RPS3: variants seen among roughly 807,000 people sequenced by gnomAD.
The protein encoded by RPS3 is small ribosomal subunit protein uS3.
Under a neutral mutation model 25.8 loss-of-function variants are expected in RPS3, and 2 were observed. The ratio of observed to expected loss-of-function variants is 0.08; its 90% CI spans 0.03 to 0.24. RPS3 has a LOEUF of 0.24. RPS3 is among the 10% of genes least tolerant of loss of function. The pLI, the probability that RPS3 is intolerant of heterozygous loss-of-function variation, is 1.00. For synonymous variants in RPS3, 114 were observed against 114.2 expected (o/e 1.00, Z 0.01); for missense variants, 107 against 307.1 (o/e 0.35, Z 4.87).
In RPS3 at chr11:75,405,770, C is replaced by T. The variant is rs1948278506; in HGVS notation, c.*160C>T. Reference sequence around the variant, plus strand: ...GCATTACATATCTTCTTGGTTTTAACCATACTTGTGGTATTTGCAAGGGCC... The same window carrying T: ...GCATTACATATCTTCTTGGTTTTAATCATACTTGTGGTATTTGCAAGGGCC... On this transcript the variant is annotated 3_prime_UTR_variant, in exon 7 of 7. Transcript: ENST00000531188. 2 of 403,666 alleles carry T rather than the reference C, an allele frequency of 5.0e-6. No individual in the cohort carries two copies. Among genetic ancestry groups the T allele is most frequent in the Admixed American group, 3.0e-5 (1 of 33,146 alleles). 25.0% of individuals were successfully genotyped at this position (403,666 alleles called of 1,614,324 possible). A position where few individuals can be genotyped will look rare whatever the true frequency, so the allele number is the denominator to read the frequency against.
At chr11:75,409,692 G>C (rs1948325050), downstream of RPS3, among the ~76,000 whole-genome samples, 1 of 150,362 alleles carries the variant, frequency 6.7e-6, no homozygotes, top group Non-Finnish European at 1.5e-5. Flanking sequence ...TCCCCAATGA[G>C]CCGCTGGGCA....
At chr11:75,399,702 T>C (rs1454621677) in intron 1 of RPS3, 125 bp downstream of exon 1, 1 of 815,242 alleles carries the variant, frequency 1.2e-6, no homozygotes, top group African/African-American at 1.7e-5. Context: ...TTCCTGGCGT[T>C]CCTGCGGGCC....
chr11:75,399,763 G>A, intron 1 of RPS3, 186 bp downstream of exon 1: 1 of 591,934 alleles, frequency 1.7e-6, no homozygotes, highest in Non-Finnish European at 3.0e-6. Context: ...GGCGCTGTGT[G>A]GCCGGGTTCC....
intron 6 of RPS3, among the ~76,000 whole-genome samples, chr11:75,420,149 G>C (rs569720575): frequency 2.6e-5 from 4 of 152,170 alleles, no homozygotes; most frequent in African/African-American, 9.7e-5. Flanking sequence ...CTGCTAAGTG[G>C]TAGCAGGTCC....
chr11:75,415,184 A>C (rs1948386076), intron 6 of RPS3, among the ~76,000 whole-genome samples: 1 of 152,176 alleles, frequency 6.6e-6, no homozygotes, highest in Non-Finnish European at 1.5e-5. Flanking sequence ...ATGCGGGGAG[A>C]AGCTGAGCAT....
chr11:75,402,455 C>T lies in RPS3; in HGVS notation c.350+9C>T. 2.5e-6 allele frequency: 4 copies of T among 1,600,438 alleles called. No homozygotes were observed. The highest frequency in any genetic ancestry group is 3.4e-6 in the Non-Finnish European group (4 of 1,169,540). On this transcript the variant is annotated intron_variant, in intron 4 of 6. Coordinates refer to ENST00000531188, the MANE Select transcript of RPS3 (RefSeq NM_001005.5). ...GGGCTTGCTGTGCGGAGGTAAGTGT[C>T]CTGAGACCTAATGGTCATGACCTTT...
chr11:75,415,270 T>G (rs1450302621), intron 6 of RPS3, among the ~76,000 whole-genome samples: 4 of 152,224 alleles, frequency 2.6e-5, no homozygotes, highest in African/African-American at 9.6e-5. Flanking sequence ...TGATCCTCAG[T>G]TATCTCACAG....
downstream of RPS3, among the ~76,000 whole-genome samples, chr11:75,409,940 G>A (rs1592029037): frequency 6.7e-6 from 1 of 148,162 alleles, no homozygotes; most frequent in African/African-American, 2.5e-5. Context: ...CGGGCGGGGG[G>A]CTGACCCCCC....
At chr11:75,415,689 C>A (rs1948389890) in intron 6 of RPS3, among the ~76,000 whole-genome samples, 1 of 151,988 alleles carries the variant, frequency 6.6e-6, no homozygotes. Context: ...GCCTGTAATT[C>A]CAGCTACTTG....
At position 75,400,711 on chromosome 11, in the gene RPS3, C is replaced by T; in HGVS notation, c.48C>T (p.Ile16=). The stretch of plus-strand genomic sequence containing the variant: ...TGGATTAGTTTGTCGCTGATGGCAT[C>T]TTCAAAGCTGAACTGAATGAGTTTC... ...SKKRKFVADG[I]FKAELNEFLT... The change falls in exon 2 of 7, where the codon ATC becomes ATT. Residue 16 remains isoleucine, a synonymous_variant. Coordinates refer to ENST00000531188, the MANE Select transcript of RPS3 (RefSeq NM_001005.5). The T allele has an allele frequency of 6.2e-7, 1 of 1,613,112 alleles. No homozygotes were observed. The highest frequency in any genetic ancestry group is 8.5e-7 in the Non-Finnish European group (1 of 1,179,428).
At chr11:75,414,639 G>T (rs528721464) in intron 6 of RPS3, among the ~76,000 whole-genome samples, 91 of 152,152 alleles carry the variant, frequency 6.0e-4, no homozygotes, top group Non-Finnish European at 1.1e-3. Flanking sequence ...AATAAAAAAG[G>T]TTATTCTCAG....
chr11:75,414,793 G>C (rs1948383581), intron 6 of RPS3, among the ~76,000 whole-genome samples: 1 of 152,196 alleles, frequency 6.6e-6, no homozygotes. Flanking sequence ...GATAGACCCA[G>C]AGGGTGAGCC....
At chr11:75,402,160 C>A in intron 3 of RPS3, 192 bp from the exon 4 acceptor site, 1 of 755,938 alleles carries the variant, frequency 1.3e-6, no homozygotes, top group Non-Finnish European at 2.1e-6. Context: ...CACACTACTA[C>A]TGGTAGCGCA....
downstream of RPS3, among the ~76,000 whole-genome samples, chr11:75,409,259 A>C (rs1204306081): frequency 1.4e-5 from 2 of 144,350 alleles, no homozygotes; most frequent in Non-Finnish European, 3.0e-5. Context: ...GTCATAGGAC[A>C]ATAGTGGAGG....
At chr11:75,409,825 C>T (rs1217044151), downstream of RPS3, among the ~76,000 whole-genome samples, 2 of 148,308 alleles carry the variant, frequency 1.3e-5, no homozygotes, top group Middle Eastern at 3.6e-3. Flanking sequence ...CTGACCCCCC[C>T]ACCTCCCTCC....
chr11:75,410,698 T>G (rs1565167112), downstream of RPS3, among the ~76,000 whole-genome samples: 1 of 152,132 alleles, frequency 6.6e-6, no homozygotes, highest in Non-Finnish European at 1.5e-5. Context: ...TGGGCACCAT[T>G]GAGCACTGAG....
chr11:75,404,380 T>C lies in RPS3; in HGVS notation c.538+173T>C, dbSNP rs761539419. ...AATCGATTTGCTGAGATCTGTCAGA[T>C]CCAAGAGTTGGTTTGTCCTTGTTTT... On this transcript the variant is annotated intron_variant, in intron 5 of 6. Coordinates refer to ENST00000531188, the MANE Select transcript of RPS3 (RefSeq NM_001005.5). The surrounding 1 kb of genome is among the most constrained non-coding windows in gnomAD (Gnocchi z 4.6). The C allele has an allele frequency of 1.2e-6, 1 of 808,302 alleles. No individual in the cohort carries two copies. 50.1% of individuals were successfully genotyped at this position (808,302 alleles called of 1,614,324 possible). A position where few individuals can be genotyped will look rare whatever the true frequency, so the allele number is the denominator to read the frequency against.
chr11:75,419,832 C>T (rs1376476451), intron 6 of RPS3, among the ~76,000 whole-genome samples: 1 of 152,084 alleles, frequency 6.6e-6, no homozygotes, highest in African/African-American at 2.4e-5. Context: ...TGAGGTTTTG[C>T]CTTGTTAGCC....
chr11:75,406,359 C>G lies in RPS3; in HGVS notation c.*749C>G, dbSNP rs562305410. 9.2e-5 allele frequency: 14 copies of G among 152,318 alleles called. No individual in the cohort carries two copies. The highest frequency in any genetic ancestry group is 2.6e-4 in the African/African-American group (11 of 41,576). 9.4% of individuals were successfully genotyped at this position (152,318 alleles called of 1,614,324 possible). A position where few individuals can be genotyped will look rare whatever the true frequency, so the allele number is the denominator to read the frequency against. On this transcript the variant is annotated 3_prime_UTR_variant, in exon 7 of 7. Transcript: ENST00000531188. ...GTGAGGGACAGGTTGGCTTGAAAATCATGAGACTGTTGTTAAATCAGATGC... is the reference window on the plus strand; with the variant it reads ...GTGAGGGACAGGTTGGCTTGAAAATGATGAGACTGTTGTTAAATCAGATGC...
Sources: gnomAD v4.1 joint callset for allele counts (sites outside exome capture counted in the v4.1 genomes callset) on GRCh38, gnomAD v4.1.1 for gene constraint, Gnocchi (gnomAD v3.1) non-coding constraint, MANE v1.5 for transcripts, NCBI Gene and HGNC (gene_info 2026-07-23, HGNC 2026-07-21) for gene names.